Variants in FGFR3 observed in about 807,000 individuals in gnomAD.
The protein encoded by FGFR3 is fibroblast growth factor receptor 3, also known as FGFR-3.
A neutral mutation model predicts 82.9 loss-of-function variants in FGFR3; 25 were observed. That is an observed-to-expected ratio of 0.30 (90% CI 0.22 to 0.42). The LOEUF (loss-of-function observed/expected upper bound fraction) is 0.42, where lower values mean the gene tolerates loss of function less well. FGFR3 is among the 10% of genes least tolerant of loss of function. FGFR3 has a pLI of 1.00. For synonymous variants in FGFR3, 620 were observed against 516.0 expected, an observed-to-expected ratio of 1.20 and a Z score of -2.73; for missense variants, 1,026 against 1,161.0, an observed-to-expected ratio of 0.88 and a Z score of 1.69.
At chr4:1,795,776 C>T (rs1720437020) in intron 2 of FGFR3, among the ~76,000 whole-genome samples, 1 of 152,146 alleles carries the variant, frequency 6.6e-6, no homozygotes, top group South Asian at 2.1e-4. Context: ...GGCTCTCCCA[C>T]AGTCCCACCC....
rs904961491 is a variant in FGFR3 at position 1,807,235 on chromosome 4, A to C, written c.2394A>C (p.Pro798=). The change falls in exon 18 of 18, where the codon CCA becomes CCC. Residue 798 remains proline, a synonymous_variant. Coordinates refer to ENST00000440486, the MANE Select transcript of FGFR3 (RefSeq NM_000142.5). ...CCCACGACCTGCTGCCCCCGGCCCC[A>C]CCCAGCAGTGGGGGCTCGCGGACGT... is the stretch of plus-strand genomic sequence containing the variant. ...VFAHDLLPPA[P]PSSGGSRT The C allele has an allele frequency of 8.1e-6, 13 of 1,607,388 alleles. No homozygotes were observed. The highest frequency in any genetic ancestry group is 1.1e-5 in the Non-Finnish European group (13 of 1,178,146).
chr4:1,800,804 G>GA (rs1721088094), intron 4 of FGFR3, among the ~76,000 whole-genome samples: 2 of 152,218 alleles, frequency 1.3e-5, no homozygotes, highest in Non-Finnish European at 2.9e-5. Flanking sequence ...GCTGTGAGAG[G>GA]GGTGGTGGGA....
intron 7 of FGFR3, chr4:1,803,067 A>G: frequency 1.9e-6 from 3 of 1,587,512 alleles, no homozygotes. Flanking sequence ...CCGAGCAGGT[A>G]ACGACTCTGT....
In FGFR3 at chr4:1,793,878, TG is replaced by T. The variant is rs967840401; in HGVS notation, c.-51del. The T allele has an allele frequency of 9.5e-6, 6 of 628,456 alleles. No individual in the cohort carries two copies. The highest frequency in any genetic ancestry group is 4.0e-5 in the African/African-American group (2 of 50,256). 38.9% of individuals were successfully genotyped at this position (628,456 alleles called of 1,614,324 possible). ...TCCCGCCGGTGCCCGCGCCGGGCCG[TG>T]GGGGGCAGCATGCCCGCGCGCGCTG... On this transcript the variant is annotated 5_prime_UTR_variant, in exon 2 of 18. Coordinates refer to ENST00000440486, the MANE Select transcript of FGFR3 (RefSeq NM_000142.5).
intron 7 of FGFR3, among the ~76,000 whole-genome samples, chr4:1,802,706 G>T (rs1444550432): frequency 1.3e-5 from 2 of 152,162 alleles, no homozygotes; most frequent in Non-Finnish European, 2.9e-5. Flanking sequence ...TTGTCTGAGG[G>T]TCTGGGCTGG....
At chr4:1,795,721 G>A (rs927506560) in intron 2 of FGFR3, among the ~76,000 whole-genome samples, 1 of 152,166 alleles carries the variant, frequency 6.6e-6, no homozygotes, top group African/African-American at 2.4e-5. Flanking sequence ...ATTCCTGGTT[G>A]GGACCTGGAG....
At chr4:1,803,944 C>G (rs556862739) in intron 8 of FGFR3, 108 bp downstream of exon 8, 6 of 1,261,810 alleles carry the variant, frequency 4.8e-6, no homozygotes, top group African/African-American at 4.4e-5. Flanking sequence ...ACGGCCGTCC[C>G]GCTTCTTGAG....
intron 2 of FGFR3, among the ~76,000 whole-genome samples, chr4:1,795,535 A>G (rs1347164507): frequency 6.6e-6 from 1 of 152,126 alleles, no homozygotes; most frequent in Non-Finnish European, 1.5e-5. Flanking sequence ...GCCGGGCAGT[A>G]AAAATACAAA....
At chr4:1,806,799 G>A (rs775582660) in intron 16 of FGFR3, 30 bp from the exon 17 acceptor site, 316 of 1,587,196 alleles carry the variant, frequency 2.0e-4, no homozygotes, top group Non-Finnish European at 2.5e-4. Flanking sequence ...GGGAAGCGGC[G>A]GGGCTCACTC....
chr4:1,794,101 G>A (rs1486436927), intron 2 of FGFR3, 58 bp downstream of exon 2: 4 of 1,102,588 alleles, frequency 3.6e-6, no homozygotes, highest in Non-Finnish European at 4.8e-6. Flanking sequence ...GAGGCGTTGG[G>A]GACGGGAACC....
chr4:1,799,712 G>C (rs1349984495), intron 3 of FGFR3, 35 bp from the exon 4 acceptor site: 1 of 1,611,572 alleles, frequency 6.2e-7, no homozygotes, highest in Admixed American at 1.7e-5. Context: ...CCTGGGGCAG[G>C]TTGGGCATTG....
intron 15 of FGFR3, 72 bp from the exon 16 acceptor site, chr4:1,806,474 T>TA (rs1210437152): frequency 1.1e-5 from 17 of 1,610,918 alleles, no homozygotes; most frequent in Non-Finnish European, 1.4e-5. Flanking sequence ...AGCCCTGGCC[T>TA]ATTCCCCTGG....
chr4:1,797,167 A>G (rs1292073025), intron 2 of FGFR3, among the ~76,000 whole-genome samples: 1 of 152,152 alleles, frequency 6.6e-6, no homozygotes, highest in Non-Finnish European at 1.5e-5. Context: ...ATCAAGAAAG[A>G]AAGAACCCTT....
rs954904695 is a variant in FGFR3, at chr4:1,799,292, G to A, written c.148G>A (p.Val50Ile). Residue 50 changes from valine (V) to isoleucine (I), a missense_variant, in exon 3 of 18, where the codon GTC becomes ATC. Physicochemically the swap from Val to Ile is conservative, Grantham distance 29. This residue lies in a region of FGFR3 where 226 missense variants were observed against 222.0 expected (regional missense o/e 1.02). Coordinates refer to ENST00000440486, the MANE Select transcript of FGFR3 (RefSeq NM_000142.5). ...AGAGCCCGGCCAGCAGGAGCAGTTG[G>A]TCTTCGGCAGCGGGGATGCTGTGGA... ...GPEPGQQEQL[V>I]FGSGDAVELS... 1.1e-5 allele frequency: 17 copies of A among 1,612,604 alleles called. No homozygotes were observed. The highest frequency in any genetic ancestry group is 1.4e-5 in the Non-Finnish European group (17 of 1,179,976).
At chr4:1,801,247 C>G in intron 4 of FGFR3, 120 bp from the exon 5 acceptor site, 2 of 1,162,146 alleles carry the variant, frequency 1.7e-6, no homozygotes, top group Non-Finnish European at 2.5e-6. Context: ...CCGCCCTCTT[C>G]CTACACAGGA....
chr4:1,794,717 G>C (rs1720265112), intron 2 of FGFR3, among the ~76,000 whole-genome samples: 1 of 152,110 alleles, frequency 6.6e-6, no homozygotes, highest in Non-Finnish European at 1.5e-5. Flanking sequence ...AAGGGGCGAG[G>C]GGAGGGGAAG....
intron 4 of FGFR3, among the ~76,000 whole-genome samples, chr4:1,800,182 G>A (rs1211406815): frequency 2.6e-5 from 4 of 152,050 alleles, no homozygotes; most frequent in East Asian, 1.9e-4. Flanking sequence ...GGTGGCTGCC[G>A]TGGGGTGGAT....
intron 7 of FGFR3, 74 bp downstream of exon 7, chr4:1,802,099 G>C (rs1721268543): frequency 6.7e-7 from 1 of 1,492,560 alleles, no homozygotes; most frequent in Admixed American, 1.9e-5. Flanking sequence ...CTTGGCTGCG[G>C]GTTGCGTGAG....
At chr4:1,796,295 C>T (rs935685835) in intron 2 of FGFR3, among the ~76,000 whole-genome samples, 1 of 152,148 alleles carries the variant, frequency 6.6e-6, no homozygotes, top group African/African-American at 2.4e-5. Context: ...GGCCAGATAA[C>T]CCTGGCAAGC....
Sources: allele counts gnomAD v4.1 joint callset (sites outside exome capture counted in the v4.1 genomes callset), GRCh38; gene constraint gnomAD v4.1.1; regional missense constraint gnomAD v4.1.1; transcripts MANE v1.5; gene names NCBI Gene and HGNC (gene_info 2026-07-23, HGNC 2026-07-21).